UNC119: variants seen among roughly 807,000 people sequenced by gnomAD.
UNC119 encodes protein unc-119 homolog A.
In UNC119, 15 loss-of-function variants were observed where a neutral mutation model predicts 22.6. The observed-to-expected ratio is 0.66, with a 90% CI of 0.44 to 1.02. The LOEUF is 1.02. UNC119 is among the 50% of genes least tolerant of loss of function. The pLI, the probability that UNC119 is intolerant of heterozygous loss-of-function variation, is 0.00. For missense variants in UNC119, 322 were observed against 336.0 expected (o/e 0.96, Z 0.33); for synonymous variants, 138 against 139.4 (o/e 0.99, Z 0.07).
chr17:28,552,143 A>G, intron 1 of UNC119, 195 bp downstream of exon 1: 1 of 710,942 alleles, frequency 1.4e-6, no homozygotes, highest in Non-Finnish European at 2.6e-6. Flanking sequence ...AGGCACAGAG[A>G]GAGATCAAGG....
chr17:28,548,833 C>CTGAGGTCCCT, intron 1 of UNC119, 128 bp from the exon 2 acceptor site: 2 of 703,916 alleles, frequency 2.8e-6, no homozygotes, highest in Non-Finnish European at 4.9e-6. Flanking sequence ...GAAAGAGGGA[C>CTGAGGTCCCT]CTCAGTCCCT....
rs556686739 is a variant in UNC119, at chr17:28,547,293, G to T, written c.*4C>A. ...AGCCTCCTGGGGTCAGGGCAGCCGT[G>T]GGGTCAGGGTGTCCCGCTGTAGGAA... On this transcript the variant is annotated 3_prime_UTR_variant, in exon 5 of 5. Transcript: ENST00000335765. 2 of 1,614,016 alleles carry T rather than the reference G, an allele frequency of 1.2e-6. No homozygotes were observed. The highest frequency in any genetic ancestry group is 2.2e-5 in the South Asian group (2 of 91,070).
At position 28,547,307 on chromosome 17, in the gene UNC119, C is replaced by T. The variant is rs2070216960; in HGVS notation, c.713G>A (p.Gly238Glu). 5 of 1,613,966 alleles carry T rather than the reference C, an allele frequency of 3.1e-6. No homozygotes were observed. In the South Asian group the frequency reaches 5.5e-5, roughly 18 times the overall value. ...AGGGCAGCCGTGGGGTCAGGGTGTC[C>T]CGCTGTAGGAATAGTCTGCTTTATT... ...MHNKADYSYS[G>E]TP Residue 238 changes from glycine (G) to glutamate (E), a missense_variant, in exon 5 of 5, where the codon GGG (glycine) becomes GAG (glutamate). Transcript: ENST00000335765.
At position 28,552,487 on chromosome 17, in the gene UNC119, C is replaced by G; in HGVS notation, c.71G>C (p.Ser24Thr). ...AGGCGGCTGTGGTATGGGGGCCACG[C>G]TCTGGCCCGAGGGCCCCGGAGCGGA... The part of the protein sequence containing the change: ...TESAPGPSGQ[S>T]VAPIPQPPAE... The change falls in exon 1 of 5, where the codon AGC (serine) becomes ACC (threonine). Residue 24 changes from serine to threonine, a missense_variant. Transcript: ENST00000335765. 1 of 1,573,570 alleles carries G rather than the reference C, an allele frequency of 6.4e-7. No individual in the cohort carries two copies.
At position 28,552,486 on chromosome 17, in the gene UNC119, G is replaced by C. The variant is rs763797509; in HGVS notation, c.72C>G (p.Ser24Arg). ...CAGGCGGCTGTGGTATGGGGGCCACGCTCTGGCCCGAGGGCCCCGGAGCGG... is the reference window on the plus strand; with the variant it reads ...CAGGCGGCTGTGGTATGGGGGCCACCCTCTGGCCCGAGGGCCCCGGAGCGG... ...TESAPGPSGQ[S>R]VAPIPQPPAE... Residue 24 changes from serine (S) to arginine (R), a missense_variant, in exon 1 of 5, where the codon AGC becomes AGG. By Grantham distance (110) the Ser-to-Arg change is moderately radical (BLOSUM62 -1). Transcript: ENST00000335765. 5.7e-6 allele frequency: 9 copies of C among 1,573,278 alleles called. No individual in the cohort carries two copies. Among genetic ancestry groups the C allele is most frequent in the Non-Finnish European group, 7.7e-6 (9 of 1,169,018 alleles).
chr17:28,549,900 C>G (rs563269541), intron 1 of UNC119: 1 of 152,322 alleles, frequency 6.6e-6, no homozygotes, highest in South Asian at 2.1e-4. Flanking sequence ...ATCACATCCT[C>G]CCCTGGTGGC....
At chr17:28,548,491 C>T (rs998229808) in intron 2 of UNC119, 101 bp downstream of exon 2, 10 of 999,096 alleles carry the variant, frequency 1.0e-5, no homozygotes, top group Non-Finnish European at 1.6e-5. Context: ...GGGGTCCAAG[C>T]CCCAGCTCTG....
chr17:28,550,263 G>A (rs2070256371), intron 1 of UNC119: 1 of 152,254 alleles, frequency 6.6e-6, no homozygotes, highest in Non-Finnish European at 1.5e-5. Flanking sequence ...ATAGGGAACG[G>A]AGGTGGCAGA....
chr17:28,552,268 C>A lies in UNC119; in HGVS notation c.220+70G>T. On this transcript the variant is annotated intron_variant, in intron 1 of 4. Coordinates refer to ENST00000335765, the MANE Select transcript of UNC119 (RefSeq NM_005148.4). ...AAAGGGGGCGGGGGCCAGGGCTTGG[C>A]GCGCCGGGAGGGCCCCTCGCACCCT... 5 of 1,432,708 alleles carry A rather than the reference C, an allele frequency of 3.5e-6. No individual in the cohort carries two copies. In the South Asian group the frequency reaches 5.2e-5, roughly 15 times the overall value. The allele number at this position is 1,432,708 out of a possible 1,614,324, so 88.7% of individuals were successfully genotyped here. A position where few individuals can be genotyped will look rare whatever the true frequency, so the allele number is the denominator to read the frequency against.
chr17:28,547,504 A>G, intron 4 of UNC119, 95 bp from the exon 5 acceptor site: 1 of 1,587,544 alleles, frequency 6.3e-7, no homozygotes, highest in East Asian at 2.3e-5. Flanking sequence ...ACAGCCAAAC[A>G]GCCTGAAATA....
intron 2 of UNC119, 136 bp from the exon 3 acceptor site, chr17:28,548,237 AC>A: frequency 1.2e-6 from 1 of 860,686 alleles, no homozygotes; most frequent in Non-Finnish European, 1.8e-6. Flanking sequence ...GAGGGCTCAG[AC>A]CATTGGCCAA....
chr17:28,550,017 T>C (rs1050833279), intron 1 of UNC119: 1 of 152,276 alleles, frequency 6.6e-6, no homozygotes, highest in African/African-American at 2.4e-5. Context: ...CCAGGTCTGC[T>C]TCTTCCCCAA....
At chr17:28,552,204 G>A (rs1274081983) in intron 1 of UNC119, 134 bp downstream of exon 1, 6 of 789,362 alleles carry the variant, frequency 7.6e-6, no homozygotes, top group Non-Finnish European at 8.0e-6. Context: ...GAGAGCAGGG[G>A]ACACAGGAGA....
Position 28,552,488 on chromosome 17 carries a change from T to G in UNC119, c.70A>C (p.Ser24Arg), listed in dbSNP as rs1443509247. The G allele has an allele frequency of 2.5e-6, 4 of 1,573,522 alleles. No individual in the cohort carries two copies. Among genetic ancestry groups the G allele is most frequent in the Non-Finnish European group, 3.4e-6 (4 of 1,169,252 alleles). Reference protein sequence around the residue: ...TESAPGPSGQSVAPIPQPPAE... With the variant: ...TESAPGPSGQRVAPIPQPPAE... Reference sequence around the variant, plus strand: ...GGCGGCTGTGGTATGGGGGCCACGCTCTGGCCCGAGGGCCCCGGAGCGGAC... The same window carrying G: ...GGCGGCTGTGGTATGGGGGCCACGCGCTGGCCCGAGGGCCCCGGAGCGGAC... Residue 24 changes from serine (S) to arginine (R), a missense_variant, in exon 1 of 5, where the codon AGC (serine) becomes CGC (arginine). Physicochemically the swap from Ser to Arg is moderately radical, Grantham distance 110. Coordinates refer to ENST00000335765, the MANE Select transcript of UNC119 (RefSeq NM_005148.4).
rs1472258898 is a variant in UNC119 at position 28,552,328 on chromosome 17, G to A, written c.220+10C>T. On this transcript the variant is annotated intron_variant, in intron 1 of 4. Transcript: ENST00000335765. ...CCACCCGCGGGCGGCGCTCCCTCGCGGGTGCTCACCACCGGTGATCCGCTG... is the reference window on the plus strand; with the variant it reads ...CCACCCGCGGGCGGCGCTCCCTCGCAGGTGCTCACCACCGGTGATCCGCTG... The A allele has an allele frequency of 2.6e-6, 4 of 1,532,698 alleles. No homozygotes were observed. The highest frequency in any genetic ancestry group is 3.5e-6 in the Non-Finnish European group (4 of 1,145,428). 94.9% of individuals were successfully genotyped at this position (1,532,698 alleles called of 1,614,324 possible). A position where few individuals can be genotyped will look rare whatever the true frequency, so the allele number is the denominator to read the frequency against.
In UNC119 at chr17:28,547,413, C is replaced by T. The variant is rs766962030; in HGVS notation, c.611-4G>A. On this transcript the variant is annotated splice_region_variant and splice_polypyrimidine_tract_variant and intron_variant, in intron 4 of 4. Coordinates refer to ENST00000335765, the MANE Select transcript of UNC119 (RefSeq NM_005148.4). ...GGGTGGCGGATCATCTCGCTGACTG[C>T]AAGAGAGGCCCAGCCAGGCCGGGCA... 1.2e-6 allele frequency: 2 copies of T among 1,614,118 alleles called. No homozygotes were observed. Among genetic ancestry groups the T allele is most frequent in the South Asian group, 2.2e-5 (2 of 91,076 alleles).
intron 1 of UNC119, chr17:28,550,882 A>G (rs2070261839): frequency 6.6e-6 from 1 of 152,208 alleles, no homozygotes; most frequent in African/African-American, 2.4e-5. Context: ...GTTACTCAGG[A>G]CTCAGTCAGT....
intron 3 of UNC119, 54 bp from the exon 4 acceptor site, chr17:28,547,903 C>G: frequency 1.2e-6 from 2 of 1,612,460 alleles, no homozygotes; most frequent in Non-Finnish European, 1.7e-6. Context: ...AACTAGCCAG[C>G]CAGGCTCAGG....
At chr17:28,549,026 T>C in intron 1 of UNC119, 1 of 259,176 alleles carries the variant, frequency 3.9e-6, no homozygotes, top group South Asian at 5.1e-5. Flanking sequence ...GTCCTCATTC[T>C]GGCCTCCGCT....
Sources: allele counts gnomAD v4.1 joint callset, GRCh38; gene constraint gnomAD v4.1.1; transcripts MANE v1.5; gene names NCBI Gene and HGNC (gene_info 2026-07-23, HGNC 2026-07-21).